The following SETDB2 variants were observed in gnomAD, a reference collection of about 807,000 sequenced individuals.
The protein encoded by SETDB2 is histone-lysine N-methyltransferase SETDB2.
Under a neutral mutation model 82.5 loss-of-function variants are expected in SETDB2, and 56 were observed. That is an observed-to-expected ratio of 0.68 (90% CI 0.55 to 0.85). SETDB2 has a LOEUF of 0.85. Among genes scored for constraint, SETDB2 ranks in the 40% least tolerant of loss-of-function variants. The pLI is 0.00. For missense variants in SETDB2, 677 were observed against 816.4 expected, an observed-to-expected ratio of 0.83 and a Z score of 2.08; for synonymous variants, 272 against 284.9, an observed-to-expected ratio of 0.95 and a Z score of 0.46.
chr13:49,461,854 T>C (rs1958000076), intron 4 of SETDB2, among the ~76,000 whole-genome samples: 1 of 152,222 alleles, frequency 6.6e-6, no homozygotes, highest in South Asian at 2.1e-4. Flanking sequence ...GACTGACTGC[T>C]ACAAATTAGA....
rs61683702 is a variant in SETDB2 at position 49,486,984 on chromosome 13, T to C, written c.1576+1261T>C. On this transcript the variant is annotated intron_variant, in intron 11 of 13. Transcript: ENST00000611815. ...TATCAAAAAAGGGGATTTTGTGTAT[T>C]ATATTTATTTTATCATGCATGTGAG... is the stretch of plus-strand genomic sequence containing the variant. Among the ~76,000 whole-genome samples, 1,393 of 152,278 alleles carry C rather than the reference T, an allele frequency of 9.1e-3. 23 individuals are homozygous for C. Among genetic ancestry groups the C allele is most frequent in the African/African-American group, 0.031 (1,305 of 41,556 alleles).
intron 12 of SETDB2, among the ~76,000 whole-genome samples, 177 bp downstream of exon 12, chr13:49,488,807 CTG>C (rs1958644909): frequency 6.6e-6 from 1 of 152,166 alleles, no homozygotes; most frequent in African/African-American, 2.4e-5. Flanking sequence ...TTTTCTACCT[CTG>C]TAATACAGGG....
intron 10 of SETDB2, among the ~76,000 whole-genome samples, chr13:49,484,267 T>G (rs1958546688): frequency 6.6e-6 from 1 of 152,002 alleles, no homozygotes; most frequent in African/African-American, 2.4e-5. Flanking sequence ...AGGTTTTTGT[T>G]TTTTGTTTTG....
At chr13:49,489,644 T>C (rs1446019018) in intron 12 of SETDB2, among the ~76,000 whole-genome samples, 1 of 129,514 alleles carries the variant, frequency 7.7e-6, no homozygotes, top group Non-Finnish European at 1.5e-5. Context: ...GTCACCAGGC[T>C]GGAGTGCAGT....
intron 5 of SETDB2, among the ~76,000 whole-genome samples, chr13:49,472,275 A>G (rs1958265349): frequency 6.6e-6 from 1 of 152,134 alleles, no homozygotes; most frequent in Non-Finnish European, 1.5e-5. Context: ...GTTTTAAAAT[A>G]TGCCCCCTTA....
At chr13:49,455,970 A>G (rs1419973127) in intron 2 of SETDB2, among the ~76,000 whole-genome samples, 1 of 152,132 alleles carries the variant, frequency 6.6e-6, no homozygotes, top group African/African-American at 2.4e-5. Context: ...ACTTACTGAT[A>G]GTTTGATGCC....
rs1322838685 is a variant in SETDB2, at chr13:49,492,068, T to C, written c.*219T>C. ...TATCTTGTTCACTGCTGTGCTACTT[T>C]ACATGAGTAGGATGGAAGTGTATAT... On this transcript the variant is annotated 3_prime_UTR_variant, in exon 14 of 14. Transcript: ENST00000611815. 1 of 509,326 alleles carries C rather than the reference T, an allele frequency of 2.0e-6. No homozygotes were observed. Among genetic ancestry groups the C allele is most frequent in the African/African-American group, 1.9e-5 (1 of 51,790 alleles). The allele number at this position is 509,326 out of a possible 1,614,324, so 31.6% of individuals were successfully genotyped here.
chr13:49,481,161 C>T (rs1958468651), intron 8 of SETDB2, 45 bp downstream of exon 8: 1 of 1,567,430 alleles, frequency 6.4e-7, no homozygotes, highest in Non-Finnish European at 8.7e-7. Context: ...GTAGAATCCA[C>T]TTTTCTAAAT....
At position 49,492,985 on chromosome 13, in the gene SETDB2, C is replaced by A. The variant is rs61960004; in HGVS notation, c.*1136C>A. The A allele has an allele frequency of 1.5e-5, 2 of 136,870 alleles. No homozygotes were observed. Among genetic ancestry groups the A allele is most frequent in the Non-Finnish European group, 3.2e-5 (2 of 62,652 alleles). The allele number at this position is 136,870 out of a possible 1,614,324, so 8.5% of individuals were successfully genotyped here. ...AAAAAACAGCACACACACACACACA[C>A]GAAAACAATTCTGAACTATGAAATC... is the stretch of plus-strand genomic sequence containing the variant. On this transcript the variant is annotated 3_prime_UTR_variant, in exon 14 of 14. Coordinates refer to ENST00000611815, the MANE Select transcript of SETDB2 (RefSeq NM_001160308.3).
chr13:49,462,984 G>A (rs1958026469), intron 4 of SETDB2, among the ~76,000 whole-genome samples: 1 of 152,098 alleles, frequency 6.6e-6, no homozygotes, highest in Admixed American at 6.6e-5. Context: ...AACAGGAGAA[G>A]AGACATAAAC....
rs1443366609 is a variant in SETDB2, at chr13:49,488,308, A to G, written c.1595A>G (p.His532Arg). ...CTATTAGAGGACTCAAGTTCAAACC[A>G]TGTTGATGAGTTTGAAGATAATCTG... is the stretch of plus-strand genomic sequence containing the variant. ...KGAQKDSSSN[H>R]VDEFEDNLLI... The change falls in exon 12 of 14, where the codon CAT (histidine) becomes CGT (arginine). Residue 532 changes from histidine to arginine, a missense_variant. Physicochemically the swap from His to Arg is conservative, Grantham distance 29. Coordinates refer to ENST00000611815, the MANE Select transcript of SETDB2 (RefSeq NM_001160308.3). The G allele has an allele frequency of 1.3e-6, 2 of 1,591,514 alleles. No individual in the cohort carries two copies. The highest frequency in any genetic ancestry group is 1.9e-5 in the Admixed American group (1 of 53,702).
chr13:49,460,008 C>G (rs1469035773), intron 2 of SETDB2, 99 bp from the exon 3 acceptor site: 2 of 1,269,552 alleles, frequency 1.6e-6, no homozygotes, highest in African/African-American at 3.0e-5. Flanking sequence ...GAGTCTTGAT[C>G]TTGTTTAGAA....
intron 2 of SETDB2, among the ~76,000 whole-genome samples, chr13:49,454,995 A>G (rs1227335141): frequency 6.6e-6 from 1 of 152,218 alleles, no homozygotes; most frequent in Admixed American, 6.5e-5. Context: ...AAGTTTCAAA[A>G]AATATTAATT....
chr13:49,463,551 A>G (rs1405848977), intron 4 of SETDB2, among the ~76,000 whole-genome samples: 2 of 152,218 alleles, frequency 1.3e-5, no homozygotes, highest in East Asian at 3.8e-4. Context: ...GAACAAAGAC[A>G]GTTAATCAAA....
At chr13:49,464,000 C>G in intron 4 of SETDB2, 1 of 742,116 alleles carries the variant, frequency 1.3e-6, no homozygotes, top group Non-Finnish European at 2.5e-6. Flanking sequence ...ATTTTTCTTT[C>G]TTTAATTCCC....
rs1275538579 is a variant in SETDB2 at position 49,491,922 on chromosome 13, G to A, written c.*73G>A. ...TAAAGCCATGCAAAAGAAGGTCTAG[G>A]TCCATCAAGGAAATTCCCCTCCGTT... On this transcript the variant is annotated 3_prime_UTR_variant, in exon 14 of 14. Coordinates refer to ENST00000611815, the MANE Select transcript of SETDB2 (RefSeq NM_001160308.3). The A allele has an allele frequency of 2.0e-6, 2 of 1,022,582 alleles. No individual in the cohort carries two copies. Among genetic ancestry groups the A allele is most frequent in the Middle Eastern group, 2.0e-4 (1 of 4,954 alleles). The allele number at this position is 1,022,582 out of a possible 1,614,324, so 63.3% of individuals were successfully genotyped here.
intron 9 of SETDB2, 49 bp downstream of exon 9, chr13:49,483,011 A>T: frequency 8.5e-7 from 1 of 1,171,180 alleles, no homozygotes. Context: ...ATTATCAATC[A>T]ATTGGTTCTT....
chr13:49,453,880 A>G (rs1957828863), intron 2 of SETDB2, among the ~76,000 whole-genome samples: 2 of 151,836 alleles, frequency 1.3e-5, no homozygotes, highest in South Asian at 2.1e-4. Flanking sequence ...GTATATATAT[A>G]TATACTAACT....
rs572328768 is a variant in SETDB2 at position 49,451,908 on chromosome 13, T to A, written c.15T>A (p.Asn5Lys). The stretch of plus-strand genomic sequence containing the variant: ...GACATCAAAAGATGGGAGAAAAAAA[T>A]GGTAGGTTGAAGAACACACTGTTAC... MGEK[N>K]GDAKTFWMEL... The change falls in exon 2 of 14, where the codon AAT (asparagine) becomes AAA (lysine). Residue 5 changes from asparagine to lysine, a missense_variant and splice_region_variant. Around this residue, in one of 3 missense-constraint regions of SETDB2, gnomAD observed 14 missense variants for 24.6 expected, o/e 0.57. Transcript: ENST00000611815. 2.5e-6 allele frequency: 4 copies of A among 1,594,544 alleles called. No individual in the cohort carries two copies. The Admixed American group carries it at 6.9e-5, about 27-fold the overall frequency.
Sources: allele counts gnomAD v4.1 joint callset (sites outside exome capture counted in the v4.1 genomes callset), GRCh38; gene constraint gnomAD v4.1.1; regional missense constraint gnomAD v4.1.1; transcripts MANE v1.5; gene names NCBI Gene and HGNC (gene_info 2026-07-23, HGNC 2026-07-21).